The following NOS1AP variants were observed in gnomAD, a reference collection of about 807,000 sequenced individuals.
NOS1AP encodes nitric oxide synthase 1 adaptor protein, also known as carboxyl-terminal PDZ ligand of neuronal nitric oxide synthase protein.
NOS1AP carries 21 observed loss-of-function variants against 56.2 expected under a neutral mutation model. The observed-to-expected ratio is 0.37, with a 90% confidence interval of 0.26 to 0.54. The LOEUF (loss-of-function observed/expected upper bound fraction) is 0.54. NOS1AP is among the 20% of genes least tolerant of loss of function. The pLI, the probability that NOS1AP is intolerant of heterozygous loss-of-function variation, is 0.84. For missense variants in NOS1AP, 522 were observed against 657.8 expected (o/e 0.79, Z 2.26); for synonymous variants, 270 against 274.6 (o/e 0.98, Z 0.17).
chr1:162,334,445 A>G (rs1656873420), intron 5 of NOS1AP, among the ~76,000 whole-genome samples: 1 of 152,212 alleles, frequency 6.6e-6, no homozygotes, highest in Admixed American at 6.5e-5. Flanking sequence ...AGAAAAAGAA[A>G]AGCCATAGGC....
chr1:162,191,748 C>T (rs531748005), intron 2 of NOS1AP, among the ~76,000 whole-genome samples: 2 of 152,256 alleles, frequency 1.3e-5, no homozygotes, highest in African/African-American at 4.8e-5. Flanking sequence ...TTGTGTTTGT[C>T]ACTCATTCTT....
intron 1 of NOS1AP, among the ~76,000 whole-genome samples, chr1:162,099,472 C>T (rs1310052640): frequency 1.3e-5 from 2 of 152,152 alleles, no homozygotes; most frequent in Admixed American, 6.5e-5. Context: ...TAGGTGTGAG[C>T]CACTGTGCCT....
intron 2 of NOS1AP, among the ~76,000 whole-genome samples, chr1:162,252,888 T>C (rs762817485): frequency 6.6e-6 from 1 of 152,216 alleles, no homozygotes; most frequent in Non-Finnish European, 1.5e-5. Flanking sequence ...AGCTATTGTA[T>C]TGGATAGCAC....
At chr1:162,166,467 G>A (rs1000788414) in intron 2 of NOS1AP, among the ~76,000 whole-genome samples, 1 of 152,158 alleles carries the variant, frequency 6.6e-6, no homozygotes, top group South Asian at 2.1e-4. Context: ...TCCCATTGCG[G>A]CTGAAGCCTG....
chr1:162,162,388 G>A (rs1217645936), intron 2 of NOS1AP, among the ~76,000 whole-genome samples: 1 of 152,220 alleles, frequency 6.6e-6, no homozygotes, highest in Admixed American at 6.5e-5. Context: ...ATGGTGCACG[G>A]TACTGAAGGC....
At chr1:162,289,423 G>A (rs1275780867) in intron 3 of NOS1AP, among the ~76,000 whole-genome samples, 6 of 147,350 alleles carry the variant, frequency 4.1e-5, no homozygotes, top group South Asian at 2.2e-4. Context: ...TCAGCCTCCC[G>A]AGTAGCTGTG....
chr1:162,349,616 T>C (rs749848375), intron 6 of NOS1AP, among the ~76,000 whole-genome samples: 30 of 152,230 alleles, frequency 2.0e-4, no homozygotes, highest in Non-Finnish European at 2.8e-4. Context: ...TAAAGCAGCA[T>C]AATGCCTAGC....
intron 2 of NOS1AP, among the ~76,000 whole-genome samples, chr1:162,209,559 T>A (rs1013866173): frequency 2.0e-5 from 3 of 152,172 alleles, no homozygotes; most frequent in African/African-American, 7.2e-5. Flanking sequence ...GTTTCATCTG[T>A]GAAGGAAGAA....
At chr1:162,366,892 G>T in intron 9 of NOS1AP, 160 bp from the exon 10 acceptor site, 1 of 790,026 alleles carries the variant, frequency 1.3e-6, no homozygotes, top group East Asian at 2.5e-5. Flanking sequence ...TGTGGGGGCG[G>T]GAGGAAGGGT....
intron 1 of NOS1AP, among the ~76,000 whole-genome samples, chr1:162,096,451 T>C (rs1006582639): frequency 1.3e-5 from 2 of 152,266 alleles, no homozygotes; most frequent in East Asian, 3.9e-4. Context: ...TACAAAAATA[T>C]ACGTAATATA....
chr1:162,321,731 A>AAAAAAATATATAT (rs1480278757), intron 4 of NOS1AP, among the ~76,000 whole-genome samples: 3 of 128,492 alleles, frequency 2.3e-5, no homozygotes, highest in African/African-American at 8.7e-5. Context: ...AAAAAAAAAA[A>AAAAAAATATATAT]ATATATATAT....
intron 2 of NOS1AP, among the ~76,000 whole-genome samples, chr1:162,232,342 G>A (rs529769766): frequency 2.1e-3 from 321 of 152,270 alleles, no homozygotes; most frequent in Admixed American, 4.2e-3. Flanking sequence ...GGCTGTGATT[G>A]GAATACTTGA....
At chr1:162,313,256 T>G (rs1656107961) in intron 4 of NOS1AP, among the ~76,000 whole-genome samples, 1 of 152,200 alleles carries the variant, frequency 6.6e-6, no homozygotes. Flanking sequence ...CAGGGGAAGG[T>G]GAGGCATAAG....
At position 162,367,275 on chromosome 1, in the gene NOS1AP, G is replaced by A. The variant is rs1197311565; in HGVS notation, c.1329G>A (p.Ala443=). ...CGCCCGAGGACACCCCGCCCCCAGC[G>A]CAGGGCGAGGCGCTCCTGGGCGGTC... ...FLPPEDTPPP[A]QGEALLGGLE... Residue 443 remains alanine, a synonymous_variant, in exon 10 of 10, where the codon GCG becomes GCA. Transcript: ENST00000361897. This position sits in a 1 kb window ranked among gnomAD's most constrained non-coding sequence, Gnocchi z 6.5. The A allele has an allele frequency of 1.9e-6, 3 of 1,613,468 alleles. No homozygotes were observed. The highest frequency in any genetic ancestry group is 1.3e-5 in the African/African-American group (1 of 74,950).
intron 1 of NOS1AP, among the ~76,000 whole-genome samples, chr1:162,128,030 A>G (rs1439971880): frequency 2.0e-5 from 3 of 152,240 alleles, no homozygotes; most frequent in East Asian, 1.9e-4. Context: ...ATATAATTAC[A>G]TTTATTAATC....
rs903116474 is a variant in NOS1AP at position 162,209,753 on chromosome 1, A to C, written c.177+55277A>C. Among the ~76,000 whole-genome samples, 7 of 151,816 alleles carry C rather than the reference A, an allele frequency of 4.6e-5. No individual in the cohort carries two copies. The South Asian group carries it at 1.5e-3, about 32-fold the overall frequency. On this transcript the variant is annotated intron_variant, in intron 2 of 9. Coordinates refer to ENST00000361897, the MANE Select transcript of NOS1AP (RefSeq NM_014697.3). ...CATCTTCAAGTTTTGGAAAGCTCTCATGAAGCTGAGAGCTGGGGGCGGGGG... is the reference window on the plus strand; with the variant it reads ...CATCTTCAAGTTTTGGAAAGCTCTCCTGAAGCTGAGAGCTGGGGGCGGGGG...
chr1:162,299,353 G>A (rs1190276131), intron 3 of NOS1AP, among the ~76,000 whole-genome samples: 1 of 152,186 alleles, frequency 6.6e-6, no homozygotes, highest in East Asian at 1.9e-4. Flanking sequence ...CAGGTTTTGG[G>A]GGGATCACTG....
At chr1:162,121,735 A>G (rs1232833878) in intron 1 of NOS1AP, among the ~76,000 whole-genome samples, 1 of 152,192 alleles carries the variant, frequency 6.6e-6, no homozygotes, top group African/African-American at 2.4e-5. Flanking sequence ...AGCAATCATT[A>G]CTTTTTATTG....
chr1:162,135,781 A>G (rs1486325906), intron 1 of NOS1AP, among the ~76,000 whole-genome samples: 1 of 152,188 alleles, frequency 6.6e-6, no homozygotes, highest in Non-Finnish European at 1.5e-5. Flanking sequence ...CATCTAAATG[A>G]ACTTTGTGCA....
Sources: allele counts gnomAD v4.1 joint callset (sites outside exome capture counted in the v4.1 genomes callset), GRCh38; gene constraint gnomAD v4.1.1; non-coding constraint Gnocchi (gnomAD v3.1); transcripts MANE v1.5; gene names NCBI Gene and HGNC (gene_info 2026-07-23, HGNC 2026-07-21).